The following APC2 variants were observed in gnomAD, a reference collection of about 807,000 sequenced individuals.
APC2 encodes the protein adenomatous polyposis coli protein 2.
Under a neutral mutation model 72.5 loss-of-function variants are expected in APC2, and 41 were observed. The observed-to-expected ratio is 0.57, with a 90% confidence interval of 0.44 to 0.73. The LOEUF (loss-of-function observed/expected upper bound fraction) is 0.73. Among genes scored for constraint, APC2 ranks in the 30% least tolerant of loss-of-function variants. APC2 has a pLI of 0.00. For missense variants in APC2, 3,729 were observed against 3,403.4 expected (o/e 1.10, Z -2.38); for synonymous variants, 1,898 against 1,612.0 (o/e 1.18, Z -4.25).
In APC2 at chr19:1,465,292, G is replaced by A. The variant is rs1339417714; in HGVS notation, c.1991G>A (p.Trp664Ter). ...ARSARDQELL[W>*]DLGAVGMLRN... Reference sequence around the variant, plus strand: ...AGCGCCCGTGACCAGGAGCTGCTGTGGGACCTGGGCGCCGTGGGCATGCTG... The same window carrying A: ...AGCGCCCGTGACCAGGAGCTGCTGTAGGACCTGGGCGCCGTGGGCATGCTG... Residue 664 changes from tryptophan to a stop codon, truncating the protein, a stop_gained, in exon 15 of 15, where the codon TGG becomes TAG. Coordinates refer to ENST00000590469, the MANE Select transcript of APC2 (RefSeq NM_005883.3). LOFTEE classifies it low-confidence loss of function (END_TRUNC). 2 of 1,602,628 alleles carry A rather than the reference G, an allele frequency of 1.2e-6. No individual in the cohort carries two copies. Among genetic ancestry groups the A allele is most frequent in the Non-Finnish European group, 1.7e-6 (2 of 1,178,076 alleles).
intron 10 of APC2, among the ~76,000 whole-genome samples, chr19:1,459,598 G>A (rs1274885416): frequency 1.3e-5 from 2 of 152,204 alleles, no homozygotes; most frequent in African/African-American, 4.8e-5. Flanking sequence ...CTCCTGCTCT[G>A]AGAACAGTCA....
rs747049794 is a variant in APC2 at position 1,466,868 on chromosome 19, C to T, written c.3567C>T (p.Gly1189=). 7 of 1,563,678 alleles carry T rather than the reference C, an allele frequency of 4.5e-6. No homozygotes were observed. Among genetic ancestry groups the T allele is most frequent in the South Asian group, 3.5e-5 (3 of 85,612 alleles). ...CCAGTGAACCTTGCAGCGGGCAGGG[C>T]AGCGGCACCATCAGCCCTAGCGAGC... ...SIPSEPCSGQ[G]SGTISPSELP... is the part of the protein sequence containing the mutation. Residue 1189 remains glycine, a synonymous_variant, in exon 15 of 15, where the codon GGC becomes GGT. Coordinates refer to ENST00000590469, the MANE Select transcript of APC2 (RefSeq NM_005883.3).
intron 10 of APC2, chr19:1,458,349 C>T (rs1599141546): frequency 4.4e-6 from 2 of 459,148 alleles, no homozygotes; most frequent in Non-Finnish European, 3.9e-6. Flanking sequence ...ACCAGAAGGG[C>T]AAAGATAGAT....
chr19:1,448,861 A>AG (rs1569132830), upstream of APC2, among the ~76,000 whole-genome samples: 20 of 150,116 alleles, frequency 1.3e-4, no homozygotes, highest in African/African-American at 5.0e-4. Context: ...AAAAAAAGAA[A>AG]AAAAAGAAAA....
In APC2 at chr19:1,466,030, A is replaced by G; in HGVS notation, c.2729A>G (p.His910Arg). ...CGGCGAGAGGCAGGAAGCCGGGCGC[A>G]CCCGCTGCTGCGGCTCAAGGCGGCC... is the stretch of plus-strand genomic sequence containing the variant. Reference protein sequence around the residue: ...GGRREAGSRAHPLLRLKAAHA... With the variant: ...GGRREAGSRARPLLRLKAAHA... Residue 910 changes from histidine (H) to arginine (R), a missense_variant, in exon 15 of 15, where the codon CAC becomes CGC. Coordinates refer to ENST00000590469, the MANE Select transcript of APC2 (RefSeq NM_005883.3). 2 of 1,495,028 alleles carry G rather than the reference A, an allele frequency of 1.3e-6. No homozygotes were observed. The highest frequency in any genetic ancestry group is 2.4e-5 in the Admixed American group (1 of 42,130). The allele number at this position is 1,495,028 out of a possible 1,614,324, so 92.6% of individuals were successfully genotyped here. A position where few individuals can be genotyped will look rare whatever the true frequency, so the allele number is the denominator to read the frequency against.
upstream of APC2, among the ~76,000 whole-genome samples, chr19:1,448,037 G>A (rs1214570870): frequency 5.9e-5 from 9 of 152,104 alleles, no homozygotes; most frequent in Non-Finnish European, 1.3e-4. Flanking sequence ...GGAAACCGAG[G>A]CCAGAGAGAG....
At chr19:1,456,007 A>AG in intron 6 of APC2, 69 bp from the exon 7 acceptor site, 1 of 1,466,894 alleles carries the variant, frequency 6.8e-7, no homozygotes, top group Non-Finnish European at 9.2e-7. Flanking sequence ...GGGTCATCCC[A>AG]GGGAGAGGCG....
rs764830803 is a variant in APC2 at position 1,465,138 on chromosome 19, C to A, written c.1854-17C>A. On this transcript the variant is annotated splice_polypyrimidine_tract_variant and intron_variant, in intron 14 of 14. Coordinates refer to ENST00000590469, the MANE Select transcript of APC2 (RefSeq NM_005883.3). The stretch of plus-strand genomic sequence containing the variant: ...AGGGTGGGGGGTGGCCCAGGCTAAC[C>A]CGCCCTGTGCCTACAGGCAGGTGCT... The A allele has an allele frequency of 6.3e-7, 1 of 1,587,450 alleles. No homozygotes were observed. The highest frequency in any genetic ancestry group is 2.3e-5 in the East Asian group (1 of 43,332).
In APC2 at chr19:1,469,890, G is replaced by T; in HGVS notation, c.6589G>T (p.Ala2197Ser). The T allele has an allele frequency of 6.6e-7, 1 of 1,522,526 alleles. No homozygotes were observed. The highest frequency in any genetic ancestry group is 8.8e-7 in the Non-Finnish European group (1 of 1,141,874). The allele number at this position is 1,522,526 out of a possible 1,614,324, so 94.3% of individuals were successfully genotyped here. Reference sequence around the variant, plus strand: ...CGCCGTGGTCCAGACCGAGGAGGTCGCCGCCCCCAAGACCAACTCCAGCAC... The same window carrying T: ...CGCCGTGGTCCAGACCGAGGAGGTCTCCGCCCCCAAGACCAACTCCAGCAC... Reference protein sequence around the residue: ...SDAVVQTEEVAAPKTNSSTSP... With the variant: ...SDAVVQTEEVSAPKTNSSTSP... The change falls in exon 15 of 15, where the codon GCC (alanine) becomes TCC (serine). Residue 2197 changes from alanine to serine, a missense_variant. By Grantham distance (99) the Ala-to-Ser change is moderately conservative. Transcript: ENST00000590469.
rs1321678250 is a variant in APC2, at chr19:1,468,175, C to A, written c.4874C>A (p.Ala1625Glu). ...GRDSSPSPRA[A>E]EELLQRCISS... ...GACAGCTCGCCCAGCCCGCGGGCCG[C>A]GGAGGAGCTTCTGCAGCGGTGCATC... The change falls in exon 15 of 15, where the codon GCG (alanine) becomes GAG (glutamate). Residue 1625 changes from alanine to glutamate, a missense_variant. Transcript: ENST00000590469. The A allele has an allele frequency of 1.0e-5, 15 of 1,452,404 alleles. No homozygotes were observed. The highest frequency in any genetic ancestry group is 1.5e-5 in the African/African-American group (1 of 67,032). The allele number at this position is 1,452,404 out of a possible 1,614,324, so 90.0% of individuals were successfully genotyped here.
At chr19:1,449,087 C>G (rs2083714314), upstream of APC2, among the ~76,000 whole-genome samples, 1 of 152,200 alleles carries the variant, frequency 6.6e-6, no homozygotes, top group South Asian at 2.1e-4. Flanking sequence ...TCTACGGGGC[C>G]TTGAATACTC....
intron 10 of APC2, chr19:1,458,690 C>T: frequency 1.3e-5 from 2 of 152,390 alleles, no homozygotes; most frequent in South Asian, 2.1e-4. Context: ...GGCAACAGAG[C>T]CAGACCCTGT....
chr19:1,466,460 G>C lies in APC2; in HGVS notation c.3159G>C (p.Lys1053Asn). 2 of 1,598,222 alleles carry C rather than the reference G, an allele frequency of 1.3e-6. No homozygotes were observed. Reference protein sequence around the residue: ...LAAAPLSVASKALQKLAAQEG... With the variant: ...LAAAPLSVASNALQKLAAQEG... ...CTGCCCCGCTGTCTGTGGCCAGCAAGGCACTGCAGAAACTGGCGGCGCAAG... is the reference window on the plus strand; with the variant it reads ...CTGCCCCGCTGTCTGTGGCCAGCAACGCACTGCAGAAACTGGCGGCGCAAG... Residue 1053 changes from lysine to asparagine, a missense_variant, in exon 15 of 15, where the codon AAG becomes AAC. Transcript: ENST00000590469.
intron 14 of APC2, among the ~76,000 whole-genome samples, chr19:1,463,576 T>G (rs1340731841): frequency 7.0e-6 from 1 of 143,118 alleles, no homozygotes; most frequent in Non-Finnish European, 1.5e-5. Context: ...AGAGCAAAAC[T>G]GTCTCAAAAA....
In APC2 at chr19:1,470,296, C is replaced by T. The variant is rs375528502; in HGVS notation, c.*83C>T. The T allele has an allele frequency of 4.2e-6, 6 of 1,435,190 alleles. No individual in the cohort carries two copies. 88.9% of individuals were successfully genotyped at this position (1,435,190 alleles called of 1,614,324 possible). Reference sequence around the variant, plus strand: ...CCCCATGGGCCTGCGCTGTAGACGTCCCCCATAGGTCGCCCCAGGGCCTCT... The same window carrying T: ...CCCCATGGGCCTGCGCTGTAGACGTTCCCCATAGGTCGCCCCAGGGCCTCT... On this transcript the variant is annotated 3_prime_UTR_variant, in exon 15 of 15. Coordinates refer to ENST00000590469, the MANE Select transcript of APC2 (RefSeq NM_005883.3).
At position 1,453,160 on chromosome 19, in the gene APC2, G is replaced by T; in HGVS notation, c.141+18G>T. Reference sequence around the variant, plus strand: ...GCATGAAGGTGGGGGCCTACATGGAGGAGGTGGGCTAGGGTCCCGGGGTGG... The same window carrying T: ...GCATGAAGGTGGGGGCCTACATGGATGAGGTGGGCTAGGGTCCCGGGGTGG... On this transcript the variant is annotated intron_variant, in intron 2 of 14. Coordinates refer to ENST00000590469, the MANE Select transcript of APC2 (RefSeq NM_005883.3). 2.5e-6 allele frequency: 4 copies of T among 1,591,986 alleles called. No homozygotes were observed. Among genetic ancestry groups the T allele is most frequent in the East Asian group, 2.3e-5 (1 of 43,816 alleles).
rs1315496840 is a variant in APC2, at chr19:1,468,807, G to A, written c.5506G>A (p.Gly1836Arg). ...GGCTCCAGCCAAAGTCCCGAGCCCC[G>A]GGCAGCAGCGGTCGCGGAGCCTACA... ...PAAPAKVPSP[G>R]QQRSRSLHRP... is the part of the protein sequence containing the mutation. The change falls in exon 15 of 15, where the codon GGG becomes AGG. Residue 1836 changes from glycine to arginine, a missense_variant. Gly to Arg is a moderately radical substitution (Grantham distance 125). Coordinates refer to ENST00000590469, the MANE Select transcript of APC2 (RefSeq NM_005883.3). 6.5e-6 allele frequency: 10 copies of A among 1,536,164 alleles called. No homozygotes were observed. Among genetic ancestry groups the A allele is most frequent in the Non-Finnish European group, 8.7e-6 (10 of 1,145,298 alleles).
intron 8 of APC2, 32 bp downstream of exon 8, chr19:1,456,436 A>G: frequency 6.4e-7 from 1 of 1,551,510 alleles, no homozygotes; most frequent in Non-Finnish European, 8.7e-7. Context: ...GGGCTGGCGC[A>G]GCTGTCTGGG....
chr19:1,469,577 G>A lies in APC2; in HGVS notation c.6276G>A (p.Arg2092=). ...TGCCTGTGCGCGCGCCCGCCGCCCG[G>A]CCGGAGACTGTCAAGCGCTACGCGT... ...SRLPVRAPAA[R]PETVKRYASL... The change falls in exon 15 of 15, where the codon CGG becomes CGA. Residue 2092 remains arginine (R), a synonymous_variant. Coordinates refer to ENST00000590469, the MANE Select transcript of APC2 (RefSeq NM_005883.3). The A allele has an allele frequency of 8.0e-7, 1 of 1,253,828 alleles. No homozygotes were observed. The highest frequency in any genetic ancestry group is 1.8e-5 in the South Asian group (1 of 55,824). 77.7% of individuals were successfully genotyped at this position (1,253,828 alleles called of 1,614,324 possible).
Sources: allele counts gnomAD v4.1 joint callset (sites outside exome capture counted in the v4.1 genomes callset), GRCh38; gene constraint gnomAD v4.1.1; transcripts MANE v1.5; gene names NCBI Gene and HGNC (gene_info 2026-07-23, HGNC 2026-07-21).